The following ZNF469 variants were observed in gnomAD, a reference collection of about 807,000 sequenced individuals.
The protein encoded by ZNF469 is zinc finger protein 469.
Under a neutral mutation model 1.0 loss-of-function variants are expected in ZNF469, and 1 was observed. That is an observed-to-expected ratio of 1.00 (90% CI 0.35 to 4.73). ZNF469 has a LOEUF of 4.73. Ranked by LOEUF, ZNF469 falls within the 30% of genes most tolerant of loss-of-function variation. The pLI is 0.16. For missense variants in ZNF469, 6,100 were observed against 5,356.3 expected (o/e 1.14, Z -4.33); for synonymous variants, 2,703 against 2,363.4 (o/e 1.14, Z -4.17).
At chr16:88,342,700 C>T in the ZNF469 span, among the ~76,000 whole-genome samples, 5 of 152,162 alleles carry the variant, frequency 3.3e-5, no homozygotes, top group African/African-American at 9.6e-5. Context: ...TGCCAGCAGG[C>T]GGTGGGCCTG....
At chr16:88,330,308 G>A in the ZNF469 span, among the ~76,000 whole-genome samples, 8 of 152,360 alleles carry the variant, frequency 5.3e-5, no homozygotes, top group South Asian at 1.7e-3. Flanking sequence ...TAGCATTTCT[G>A]CTGTGTGTAC....
At chr16:88,120,135 G>A in the ZNF469 span, among the ~76,000 whole-genome samples, 1 of 152,158 alleles carries the variant, frequency 6.6e-6, no homozygotes, top group Non-Finnish European at 1.5e-5. Context: ...GGGAGGCATC[G>A]CCCCTGAGCC....
In ZNF469 at chr16:88,437,908, C is replaced by T. The variant is rs1323638442; in HGVS notation, c.10438C>T (p.Pro3480Ser). The change falls in exon 3 of 3, where the codon CCC becomes TCC. Residue 3480 changes from proline (P) to serine (S), a missense_variant. Pro to Ser is a moderately conservative substitution (Grantham distance 74). Coordinates refer to ENST00000565624, the MANE Select transcript of ZNF469 (RefSeq NM_001367624.2). ...CAGCAAACGGCGCAGGGTGGCCATG[C>T]CCGGCAGTGCCCCTGGGCCCGGCGA... ...LPSKRRRVAM[P>S]GSAPGPGEDR... 1 of 1,539,682 alleles carries T rather than the reference C, an allele frequency of 6.5e-7. No homozygotes were observed. The highest frequency in any genetic ancestry group is 2.5e-5 in the East Asian group (1 of 40,624).
the ZNF469 span, among the ~76,000 whole-genome samples, chr16:88,243,781 G>A: frequency 4.6e-5 from 7 of 151,190 alleles, no homozygotes; most frequent in East Asian, 1.4e-3. Flanking sequence ...ATGCAAGGAT[G>A]GATGGATAAA....
the ZNF469 span, among the ~76,000 whole-genome samples, chr16:88,377,222 G>T: frequency 1.3e-5 from 2 of 152,248 alleles, no homozygotes; most frequent in Non-Finnish European, 2.9e-5. Context: ...GAAGGCAGGA[G>T]CCGGGGTGGT....
rs1286754693 is a variant in ZNF469, at chr16:88,430,792, G to A, written c.3322G>A (p.Gly1108Ser). ...GGAGGACGAGCAGCCTCCGCCGCGG[G>A]GCCCCGGCTTCAGAGGCCGGCGGGG... ...SEEDEQPPPRGPGFRGRRGRG... is the reference protein window; with the variant it reads ...SEEDEQPPPRSPGFRGRRGRG... Residue 1108 changes from glycine (G) to serine (S), a missense_variant, in exon 3 of 3, where the codon GGC becomes AGC. Physicochemically the swap from Gly to Ser is moderately conservative, Grantham distance 56. Coordinates refer to ENST00000565624, the MANE Select transcript of ZNF469 (RefSeq NM_001367624.2). 1.5e-5 allele frequency: 23 copies of A among 1,526,892 alleles called. No homozygotes were observed. Among genetic ancestry groups the A allele is most frequent in the Non-Finnish European group, 1.9e-5 (22 of 1,143,510 alleles). 94.6% of individuals were successfully genotyped at this position (1,526,892 alleles called of 1,614,324 possible). A position where few individuals can be genotyped will look rare whatever the true frequency, so the allele number is the denominator to read the frequency against.
At chr16:88,349,672 C>G in the ZNF469 span, among the ~76,000 whole-genome samples, 1 of 104,488 alleles carries the variant, frequency 9.6e-6, no homozygotes, top group Non-Finnish European at 2.1e-5. Context: ...ACACTGCACC[C>G]AAGTGCACAC....
At chr16:88,418,874 T>A (rs1905375295) in intron 1 of ZNF469, among the ~76,000 whole-genome samples, 1 of 152,352 alleles carries the variant, frequency 6.6e-6, no homozygotes, top group East Asian at 1.9e-4. Context: ...GGAGAATGTT[T>A]GTGAAATAAA....
chr16:88,351,680 T>C, the ZNF469 span, among the ~76,000 whole-genome samples: 1 of 152,154 alleles, frequency 6.6e-6, no homozygotes. Context: ...GACGGCCCTC[T>C]GTGGAGGCCC....
chr16:88,255,202 G>T, the ZNF469 span, among the ~76,000 whole-genome samples: 1 of 152,210 alleles, frequency 6.6e-6, no homozygotes, highest in Non-Finnish European at 1.5e-5. Flanking sequence ...ATGTGCAGAT[G>T]CAGGCTGCAT....
At chr16:88,117,710 C>T in the ZNF469 span, among the ~76,000 whole-genome samples, 289 of 152,316 alleles carry the variant, frequency 1.9e-3, 1 homozygote, top group African/African-American at 5.6e-3. Context: ...AGGGGCTTTT[C>T]CTGGGGAAGG....
At chr16:88,115,953 T>G in the ZNF469 span, among the ~76,000 whole-genome samples, 6 of 152,196 alleles carry the variant, frequency 3.9e-5, no homozygotes, top group African/African-American at 1.4e-4. Flanking sequence ...CTCCCTCGTG[T>G]AAGGATACCT....
the ZNF469 span, among the ~76,000 whole-genome samples, chr16:88,185,701 TCA>T: frequency 7.3e-4 from 93 of 126,744 alleles, no homozygotes; most frequent in Admixed American, 1.1e-3. Context: ...ATTCGCACAC[TCA>T]CACACGTGAA....
intron 1 of ZNF469, among the ~76,000 whole-genome samples, chr16:88,405,903 C>T (rs1905016863): frequency 6.6e-6 from 1 of 152,244 alleles, no homozygotes; most frequent in Non-Finnish European, 1.5e-5. Flanking sequence ...CCTGCGTCCT[C>T]CCGACCCCCG....
the ZNF469 span, among the ~76,000 whole-genome samples, chr16:88,119,173 G>A: frequency 6.6e-6 from 1 of 152,228 alleles, no homozygotes; most frequent in South Asian, 2.1e-4. Flanking sequence ...AAGATAGTAA[G>A]TGAAGAAATG....
At chr16:88,240,494 C>G in the ZNF469 span, among the ~76,000 whole-genome samples, 1 of 152,162 alleles carries the variant, frequency 6.6e-6, no homozygotes, top group Non-Finnish European at 1.5e-5. Context: ...CTGGCCTCAA[C>G]ACTGTGCCCA....
the ZNF469 span, among the ~76,000 whole-genome samples, chr16:88,175,196 A>C: frequency 6.6e-6 from 1 of 152,218 alleles, no homozygotes; most frequent in Non-Finnish European, 1.5e-5. Flanking sequence ...AAATCCCCGC[A>C]CAGCAGCACC....
At chr16:88,266,367 A>G in the ZNF469 span, among the ~76,000 whole-genome samples, 1 of 152,244 alleles carries the variant, frequency 6.6e-6, no homozygotes, top group African/African-American at 2.4e-5. Context: ...CTGAGCTTCC[A>G]GGTGTCAGGC....
At chr16:88,198,518 A>C in the ZNF469 span, among the ~76,000 whole-genome samples, 48,295 of 152,204 alleles carry the variant, frequency 0.32, 9,179 homozygotes, top group Middle Eastern at 0.44. Context: ...CAGCTGGTGC[A>C]GCTAAGGAGC....
Sources: gnomAD v4.1 joint callset for allele counts (sites outside exome capture counted in the v4.1 genomes callset) on GRCh38, gnomAD v4.1.1 for gene constraint, MANE v1.5 for transcripts, NCBI Gene and HGNC (gene_info 2026-07-23, HGNC 2026-07-21) for gene names.